DMD: variants seen among roughly 807,000 people sequenced by gnomAD.
DMD encodes the protein dystrophin.
Under a neutral mutation model 330.1 loss-of-function variants are expected in DMD, and 63 were observed. The ratio of observed to expected loss-of-function variants is 0.19; its 90% confidence interval spans 0.16 to 0.24. The LOEUF (loss-of-function observed/expected upper bound fraction) is 0.24. Among genes scored for constraint, DMD ranks in the 10% least tolerant of loss-of-function variants. DMD has a pLI of 1.00. For missense variants in DMD, 3,344 were observed against 2,684.1 expected (o/e 1.25, Z -5.43); for synonymous variants, 1,223 against 959.8 (o/e 1.27, Z -5.07).
intron 59 of DMD, among the ~76,000 whole-genome samples, chrX:31,464,501 T>G (rs1230533208): frequency 8.9e-6 from 1 of 112,523 alleles, no homozygotes; most frequent in Non-Finnish European, 1.9e-5. Context: ...AATAAATGGC[T>G]TTATGCTTTC....
At chrX:32,948,399 G>T (rs1804403251) in intron 2 of DMD, among the ~76,000 whole-genome samples, 1 of 111,923 alleles carries the variant, frequency 8.9e-6, no homozygotes. Flanking sequence ...GATTGTACTT[G>T]TGTTTGCTCT....
intron 45 of DMD, among the ~76,000 whole-genome samples, chrX:31,952,378 C>A (rs1285301850): frequency 9.2e-6 from 1 of 109,286 alleles, no homozygotes; most frequent in African/African-American, 3.3e-5. Flanking sequence ...GACTCATGTT[C>A]GTTTTTTATA....
At chrX:32,528,924 T>A (rs1347834098) in intron 17 of DMD, among the ~76,000 whole-genome samples, 2 of 98,863 alleles carry the variant, frequency 2.0e-5, no homozygotes, top group South Asian at 4.9e-4. Context: ...TTTTTTTTTT[T>A]TAATTTTATT....
At chrX:32,490,289 C>A (rs889619179) in intron 20 of DMD, among the ~76,000 whole-genome samples, 3 of 111,877 alleles carry the variant, frequency 2.7e-5, no homozygotes, top group African/African-American at 9.8e-5. Context: ...GTTTCTCATT[C>A]CCCGCGAAAA....
intron 48 of DMD, among the ~76,000 whole-genome samples, 198 bp from the exon 49 acceptor site, chrX:31,837,017 C>T (rs1015463371): frequency 9.0e-6 from 1 of 111,546 alleles, no homozygotes; most frequent in African/African-American, 3.3e-5. Flanking sequence ...AAAATTCATC[C>T]AATATCTTCT....
intron 55 of DMD, among the ~76,000 whole-genome samples, chrX:31,600,802 GTT>G (rs530394628): frequency 3.1e-5 from 3 of 97,583 alleles, no homozygotes; most frequent in Admixed American, 1.1e-4. Context: ...TCTGCATGAT[GTT>G]TTTTTTTTTT....
In DMD at chrX:32,601,800, T is replaced by G. The variant is rs1181302942; in HGVS notation, c.1483-5924A>C. On this transcript the variant is annotated intron_variant, in intron 12 of 78. Transcript: ENST00000357033. ...TAAGATAATAAAACTGCCTATTTCT[T>G]TATGTGGTTAAGAAGATTGAATAAG... 6.2e-5 allele frequency among the ~76,000 whole-genome samples: 7 copies of G among 112,169 alleles called. No homozygotes were observed. The Admixed American group carries it at 6.6e-4, about 11-fold the overall frequency.
At position 31,571,630 on chromosome X, in the gene DMD, A is replaced by G. The variant is rs751717739; in HGVS notation, c.8217+56043T>C. Among the ~76,000 whole-genome samples the G allele has an allele frequency of 5.4e-5, 6 of 111,292 alleles. No homozygotes were observed. The South Asian group carries it at 2.3e-3, about 43-fold the overall frequency. On this transcript the variant is annotated intron_variant, in intron 55 of 78. Transcript: ENST00000357033. Reference sequence around the variant, plus strand: ...GTACTGCACATCACGGATATAAAATATCTTCATCATCGCAGAGAATTCACA... The same window carrying G: ...GTACTGCACATCACGGATATAAAATGTCTTCATCATCGCAGAGAATTCACA...
At chrX:32,726,972 T>A (rs1367457630) in intron 7 of DMD, among the ~76,000 whole-genome samples, 2 of 110,517 alleles carry the variant, frequency 1.8e-5, no homozygotes, top group Non-Finnish European at 3.8e-5. Context: ...TGGGTATTCA[T>A]CTTGGAGATG....
At chrX:32,009,616 T>C (rs1184185378) in intron 44 of DMD, among the ~76,000 whole-genome samples, 2 of 111,912 alleles carry the variant, frequency 1.8e-5, no homozygotes, top group Admixed American at 1.9e-4. Flanking sequence ...ATACAATTAA[T>C]GCATTTTTAA....
chrX:33,111,623 C>T (rs980788309), intron 1 of DMD, among the ~76,000 whole-genome samples: 2 of 111,643 alleles, frequency 1.8e-5, no homozygotes, highest in Admixed American at 9.6e-5. Flanking sequence ...TTTTTTGAGA[C>T]GAAGTTTCAT....
In DMD at chrX:32,657,692, G is replaced by A. The variant is rs147015908; in HGVS notation, c.961-12540C>T. 6.4e-3 allele frequency among the ~76,000 whole-genome samples: 722 copies of A among 112,152 alleles called. 5 individuals carry two copies. Among genetic ancestry groups the A allele is most frequent in the African/African-American group, 0.022 (693 of 30,967 alleles). ...GTCAGTATTTGGTTGGAATTCATAT[G>A]AGTTGGTAATTGAAACGAGATTTTG... On this transcript the variant is annotated intron_variant, in intron 9 of 78. Coordinates refer to ENST00000357033, the MANE Select transcript of DMD (RefSeq NM_004006.3).
At chrX:32,696,648 A>C (rs1569466141) in intron 9 of DMD, among the ~76,000 whole-genome samples, 1 of 111,442 alleles carries the variant, frequency 9.0e-6, no homozygotes, top group Non-Finnish European at 1.9e-5. Flanking sequence ...GGCATTGGAG[A>C]AAACCTAGAA....
At chrX:32,528,700 C>G (rs1054218838) in intron 17 of DMD, among the ~76,000 whole-genome samples, 2 of 110,899 alleles carry the variant, frequency 1.8e-5, no homozygotes, top group Non-Finnish European at 3.8e-5. Context: ...CTCTCTGAAG[C>G]CTGCTAGCTA....
intron 55 of DMD, among the ~76,000 whole-genome samples, chrX:31,624,488 C>T (rs755896892): frequency 9.2e-4 from 103 of 111,856 alleles, no homozygotes; most frequent in African/African-American, 3.3e-3. Context: ...GGCTGATAGA[C>T]GAAAGTGATA....
At chrX:32,782,620 G>A (rs1045693537) in intron 7 of DMD, among the ~76,000 whole-genome samples, 7 of 111,283 alleles carry the variant, frequency 6.3e-5, no homozygotes, top group African/African-American at 1.3e-4. Flanking sequence ...AGGTGGAGAG[G>A]TATGAATGAT....
chrX:32,398,799 A>G (rs1266867397), intron 30 of DMD, among the ~76,000 whole-genome samples: 3 of 111,910 alleles, frequency 2.7e-5, no homozygotes, highest in Admixed American at 9.5e-5. Flanking sequence ...CCTAAGCAAA[A>G]AAGAATGAAA....
intron 52 of DMD, among the ~76,000 whole-genome samples, chrX:31,703,183 C>A (rs920479293): frequency 9.0e-6 from 1 of 111,629 alleles, no homozygotes; most frequent in African/African-American, 3.3e-5. Flanking sequence ...GCCTCCCACC[C>A]CACACTGCTT....
intron 42 of DMD, among the ~76,000 whole-genome samples, chrX:32,294,388 G>T (rs1400620670): frequency 8.9e-6 from 1 of 111,735 alleles, no homozygotes; most frequent in African/African-American, 3.2e-5. Context: ...GCATATAAAA[G>T]TTATCCAGTT....
Sources: gnomAD v4.1 joint callset for allele counts (sites outside exome capture counted in the v4.1 genomes callset) on GRCh38, gnomAD v4.1.1 for gene constraint, MANE v1.5 for transcripts, NCBI Gene and HGNC (gene_info 2026-07-23, HGNC 2026-07-21) for gene names.